Variants in SPATA31E1 observed in about 807,000 individuals in gnomAD.
SPATA31E1 encodes the protein spermatogenesis-associated protein 31E1.
Under a neutral mutation model 12.9 loss-of-function variants are expected in SPATA31E1, and 7 were observed. That is an observed-to-expected ratio of 0.54 (90% CI 0.31 to 1.02). SPATA31E1 has a LOEUF of 1.02. Ranked by LOEUF, SPATA31E1 falls within the 50% of genes least tolerant of loss-of-function variation. The probability of loss-of-function intolerance (pLI) is 0.05; values close to 1 mark genes in which losing one functional copy is unlikely to be tolerated. For synonymous variants in SPATA31E1, 771 were observed against 719.0 expected, an observed-to-expected ratio of 1.07 and a Z score of -1.16; for missense variants, 1,961 against 1,799.8, an observed-to-expected ratio of 1.09 and a Z score of -1.62.
At chr9:87,883,750 C>T (rs939591236) in intron 1 of SPATA31E1, among the ~76,000 whole-genome samples, 6 of 152,320 alleles carry the variant, frequency 3.9e-5, no homozygotes, top group Admixed American at 3.3e-4. Flanking sequence ...GTTCCTTGAG[C>T]GGAGGAGCAG....
chr9:87,883,122 G>A lies in SPATA31E1; in HGVS notation c.231G>A (p.Val77=), dbSNP rs965047878. ...TCCTCACCAGTGTGTGTGGCCTAGT[G>A]CTCCTCTTCCTATTGCTCCTCTACG... ...DFILTSVCGL[V]LLFLLLLYVH... The change falls in exon 1 of 4, where the codon GTG becomes GTA. Residue 77 remains valine (V), a synonymous_variant. Transcript: ENST00000325643. 3 of 1,602,996 alleles carry A rather than the reference G, an allele frequency of 1.9e-6. No homozygotes were observed. Among genetic ancestry groups the A allele is most frequent in the Admixed American group, 1.7e-5 (1 of 58,778 alleles).
Position 87,888,291 on chromosome 9 carries a change from T to C in SPATA31E1, c.3804T>C (p.Ser1268=), listed in dbSNP as rs1224516071. The C allele has an allele frequency of 1.2e-6, 2 of 1,613,996 alleles. No homozygotes were observed. Among genetic ancestry groups the C allele is most frequent in the Admixed American group, 3.3e-5 (2 of 60,022 alleles). Residue 1268 remains serine, a synonymous_variant, in exon 4 of 4, where the codon AGT becomes AGC. Transcript: ENST00000325643. The part of the protein sequence containing the change: ...PPESHFQRKI[S]HHPQGLHPRK... ...AAAGCCACTTCCAGAGAAAGATCAGTCACCATCCACAGGGTCTACACCCCA... is the reference window on the plus strand; with the variant it reads ...AAAGCCACTTCCAGAGAAAGATCAGCCACCATCCACAGGGTCTACACCCCA...
chr9:87,884,417 G>C (rs1828225183), intron 2 of SPATA31E1, among the ~76,000 whole-genome samples, 174 bp from the exon 3 acceptor site: 1 of 152,242 alleles, frequency 6.6e-6, no homozygotes. Context: ...AAATGACAAA[G>C]TGCTGCACAG....
At position 87,888,056 on chromosome 9, in the gene SPATA31E1, C is replaced by A; in HGVS notation, c.3569C>A (p.Ala1190Asp). Residue 1190 changes from alanine (A) to aspartate (D), a missense_variant, in exon 4 of 4, where the codon GCC (alanine) becomes GAC (aspartate). By Grantham distance (126) the Ala-to-Asp change is moderately radical. Transcript: ENST00000325643. ...GAGCCTGGGAGCCCAAAAGCAAAGGCCCCACAGAAGAGTCAGAAGACGCTG... is the reference window on the plus strand; with the variant it reads ...GAGCCTGGGAGCCCAAAAGCAAAGGACCCACAGAAGAGTCAGAAGACGCTG... ...QQEPGSPKAK[A>D]PQKSQKTLGC... is the part of the protein sequence containing the mutation. 1 of 1,606,530 alleles carries A rather than the reference C, an allele frequency of 6.2e-7. No individual in the cohort carries two copies. The highest frequency in any genetic ancestry group is 8.5e-7 in the Non-Finnish European group (1 of 1,176,604).
At position 87,888,254 on chromosome 9, in the gene SPATA31E1, A is replaced by G. The variant is rs1338378178; in HGVS notation, c.3767A>G (p.Gln1256Arg). Residue 1256 changes from glutamine (Q) to arginine (R), a missense_variant, in exon 4 of 4, where the codon CAG becomes CGG. Transcript: ENST00000325643. ...KYNQLQLEKG[Q>R]TPPESHFQRK... ...AACCAGCTTCAGCTGGAGAAGGGAC[A>G]GACACCACCAGAAAGCCACTTCCAG... 1 of 1,614,150 alleles carries G rather than the reference A, an allele frequency of 6.2e-7. No homozygotes were observed. The highest frequency in any genetic ancestry group is 8.5e-7 in the Non-Finnish European group (1 of 1,180,032).
Position 87,887,689 on chromosome 9 carries a change from G to C in SPATA31E1, c.3202G>C (p.Gly1068Arg), listed in dbSNP as rs759936645. 1.9e-6 allele frequency: 3 copies of C among 1,614,140 alleles called. No homozygotes were observed. Among genetic ancestry groups the C allele is most frequent in the Non-Finnish European group, 2.5e-6 (3 of 1,180,000 alleles). ...GSVQEDLRST[G>R]ALGTTGNPSA... ...TGTTCAGGAGGATCTGAGGAGCACA[G>C]GGGCTCTGGGGACCACTGGTAACCC... The change falls in exon 4 of 4, where the codon GGG (glycine) becomes CGG (arginine). Residue 1068 changes from glycine (G) to arginine (R), a missense_variant. Physicochemically the swap from Gly to Arg is moderately radical, Grantham distance 125 (BLOSUM62 -2). Coordinates refer to ENST00000325643, the MANE Select transcript of SPATA31E1 (RefSeq NM_178828.5).
At chr9:87,884,692 C>T (rs769511302) in intron 3 of SPATA31E1, 41 bp downstream of exon 3, 5 of 1,611,660 alleles carry the variant, frequency 3.1e-6, no homozygotes, top group Non-Finnish European at 4.2e-6. Flanking sequence ...TCCTTCCTAC[C>T]AGGGCCTCTG....
chr9:87,884,980 G>C lies in SPATA31E1; in HGVS notation c.493G>C (p.Val165Leu). ...LPLGGDPLGD[V>L]CKPVPAKAHQ... ...CTTAGGTGGAGACCCCCTGGGGGACGTGTGTAAACCAGTGCCTGCTAAGGC... is the reference window on the plus strand; with the variant it reads ...CTTAGGTGGAGACCCCCTGGGGGACCTGTGTAAACCAGTGCCTGCTAAGGC... Residue 165 changes from valine to leucine, a missense_variant, in exon 4 of 4, where the codon GTG (valine) becomes CTG (leucine). Val to Leu is a conservative substitution (Grantham distance 32, BLOSUM62 1). Coordinates refer to ENST00000325643, the MANE Select transcript of SPATA31E1 (RefSeq NM_178828.5). 6.2e-7 allele frequency: 1 copy of C among 1,614,094 alleles called. No individual in the cohort carries two copies. The highest frequency in any genetic ancestry group is 8.5e-7 in the Non-Finnish European group (1 of 1,179,992).
Position 87,885,307 on chromosome 9 carries a change from C to A in SPATA31E1, c.820C>A (p.Pro274Thr). The A allele has an allele frequency of 6.2e-7, 1 of 1,614,026 alleles. No homozygotes were observed. ...AGLQCGSTTC[P>T]VPQSSPLHNQ... ...ACTTCAGTGTGGCTCCACAACATGCCCCGTCCCCCAGAGCTCCCCTCTACA... is the reference window on the plus strand; with the variant it reads ...ACTTCAGTGTGGCTCCACAACATGCACCGTCCCCCAGAGCTCCCCTCTACA... The change falls in exon 4 of 4, where the codon CCC becomes ACC. Residue 274 changes from proline (P) to threonine (T), a missense_variant. Transcript: ENST00000325643.
Position 87,887,144 on chromosome 9 carries a change from A to C in SPATA31E1, c.2657A>C (p.Glu886Ala). The stretch of plus-strand genomic sequence containing the variant: ...TGGGCCTCCTGGGTATCTCGGGTTG[A>C]ATCTGTACCCAAGGTTCCCATTTTC... ...TPWASWVSRV[E>A]SVPKVPIFLG... Residue 886 changes from glutamate to alanine, a missense_variant, in exon 4 of 4, where the codon GAA becomes GCA. Physicochemically the swap from Glu to Ala is moderately radical, Grantham distance 107. Coordinates refer to ENST00000325643, the MANE Select transcript of SPATA31E1 (RefSeq NM_178828.5). 2 of 1,614,002 alleles carry C rather than the reference A, an allele frequency of 1.2e-6. No individual in the cohort carries two copies. The highest frequency in any genetic ancestry group is 1.7e-6 in the Non-Finnish European group (2 of 1,179,998).
In SPATA31E1 at chr9:87,887,697, G is replaced by A; in HGVS notation, c.3210G>A (p.Leu1070=). Residue 1070 remains leucine, a synonymous_variant, in exon 4 of 4, where the codon CTG becomes CTA. Coordinates refer to ENST00000325643, the MANE Select transcript of SPATA31E1 (RefSeq NM_178828.5). ...VQEDLRSTGA[L]GTTGNPSASS... is the part of the protein sequence containing the mutation. Reference sequence around the variant, plus strand: ...AGGATCTGAGGAGCACAGGGGCTCTGGGGACCACTGGTAACCCCTCAGCGT... The same window carrying A: ...AGGATCTGAGGAGCACAGGGGCTCTAGGGACCACTGGTAACCCCTCAGCGT... 1.2e-6 allele frequency: 2 copies of A among 1,614,152 alleles called. No homozygotes were observed. The highest frequency in any genetic ancestry group is 1.3e-5 in the African/African-American group (1 of 75,058).
chr9:87,884,531 G>A, intron 2 of SPATA31E1, 60 bp from the exon 3 acceptor site: 1 of 1,581,226 alleles, frequency 6.3e-7, no homozygotes, highest in Non-Finnish European at 8.7e-7. Flanking sequence ...CATCCACTCA[G>A]CCTCCATGAG....
rs140485781 is a variant in SPATA31E1, at chr9:87,886,570, G to A, written c.2083G>A (p.Gly695Arg). ...GGGCAGGAAGGATGTGCAGAAGACC[G>A]GGTTCAGGAGCTCCGGAAGGTTCTC... ...GKGRKDVQKTGFRSSGRFSDK... is the reference protein window; with the variant it reads ...GKGRKDVQKTRFRSSGRFSDK... Residue 695 changes from glycine to arginine, a missense_variant, in exon 4 of 4, where the codon GGG (glycine) becomes AGG (arginine). By Grantham distance (125) the Gly-to-Arg change is moderately radical. Transcript: ENST00000325643. 2.4e-5 allele frequency: 38 copies of A among 1,613,954 alleles called. No homozygotes were observed. In the East Asian group the frequency reaches 3.1e-4, roughly 13 times the overall value.
Position 87,888,415 on chromosome 9 carries a change from G to A in SPATA31E1, c.3928G>A (p.Asp1310Asn), listed in dbSNP as rs773616022. Residue 1310 changes from aspartate to asparagine, a missense_variant, in exon 4 of 4, where the codon GAC (aspartate) becomes AAC (asparagine). Asp to Asn is a conservative substitution (Grantham distance 23). Transcript: ENST00000325643. ...GTCTGGCCCACCAAGGCAGTTTATG[G>A]ACTGCATGGCTGACAAAGCCTGGAC... ...WGSGPPRQFM[D>N]CMADKAWTIS... The A allele has an allele frequency of 6.2e-7, 1 of 1,614,168 alleles. No individual in the cohort carries two copies. Among genetic ancestry groups the A allele is most frequent in the East Asian group, 2.2e-5 (1 of 44,874 alleles).
At position 87,887,940 on chromosome 9, in the gene SPATA31E1, C is replaced by T. The variant is rs1204371371; in HGVS notation, c.3453C>T (p.Ser1151=). ...ADRLPTQAPL[S]TSQSVSGKNM... ...GGCTGCCCACTCAAGCCCCTCTGTC[C>T]ACCTCCCAGAGTGTGTCTGGTAAGA... The change falls in exon 4 of 4, where the codon TCC becomes TCT. Residue 1151 remains serine, a synonymous_variant. Coordinates refer to ENST00000325643, the MANE Select transcript of SPATA31E1 (RefSeq NM_178828.5). 6.2e-7 allele frequency: 1 copy of T among 1,613,954 alleles called. No individual in the cohort carries two copies.
chr9:87,885,374 TG>T lies in SPATA31E1; in HGVS notation c.891del (p.Cys298AlafsTer54). The T allele has an allele frequency of 6.2e-7, 1 of 1,613,132 alleles. No individual in the cohort carries two copies. Among genetic ancestry groups the T allele is most frequent in the Non-Finnish European group, 8.5e-7 (1 of 1,179,152 alleles). On this transcript the variant is annotated frameshift_variant, in exon 4 of 4. Coordinates refer to ENST00000325643, the MANE Select transcript of SPATA31E1 (RefSeq NM_178828.5). LOFTEE classifies it low-confidence loss of function (END_TRUNC). ...CCTCCAACCAGGGTGATCTCTGGCC[TG>T]GGGTGCTCCAGCGATCCCATCTGGG... ...LPPPTRVISG[L>X]GCSSDPIWDL...
rs1828272019 is a variant in SPATA31E1, at chr9:87,886,271, C to G, written c.1784C>G (p.Pro595Arg). Residue 595 changes from proline (P) to arginine (R), a missense_variant, in exon 4 of 4, where the codon CCC becomes CGC. Transcript: ENST00000325643. Reference protein sequence around the residue: ...LKKSQAVLSQPTAHLPQERPA... With the variant: ...LKKSQAVLSQRTAHLPQERPA... Reference sequence around the variant, plus strand: ...AAGTCTCAGGCTGTTCTGAGCCAGCCCACTGCCCACCTTCCCCAAGAGAGG... The same window carrying G: ...AAGTCTCAGGCTGTTCTGAGCCAGCGCACTGCCCACCTTCCCCAAGAGAGG... The G allele has an allele frequency of 5.0e-6, 8 of 1,613,850 alleles. No individual in the cohort carries two copies. Among genetic ancestry groups the G allele is most frequent in the African/African-American group, 1.3e-5 (1 of 75,044 alleles).
Position 87,885,563 on chromosome 9 carries a change from C to G in SPATA31E1, c.1076C>G (p.Pro359Arg). The G allele has an allele frequency of 6.2e-7, 1 of 1,614,192 alleles. No individual in the cohort carries two copies. The highest frequency in any genetic ancestry group is 8.5e-7 in the Non-Finnish European group (1 of 1,180,044). Residue 359 changes from proline to arginine, a missense_variant, in exon 4 of 4, where the codon CCT (proline) becomes CGT (arginine). Transcript: ENST00000325643. ...GTAGGTGGCTGCACATTCATCCACC[C>G]TGACGTGCAGAAGCTGCTGGAGACC... ...MEVGGCTFIH[P>R]DVQKLLETLI...
Position 87,887,823 on chromosome 9 carries a change from G to A in SPATA31E1, c.3336G>A (p.Leu1112=). Residue 1112 remains leucine (L), a synonymous_variant, in exon 4 of 4, where the codon CTG becomes CTA. Transcript: ENST00000325643. ...LIVQVDSEEQ[L]PGRAPGILLQ... ...TGCAGGTGGACTCAGAGGAGCAGCT[G>A]CCAGGCCGTGCCCCGGGCATCCTCC... is the stretch of plus-strand genomic sequence containing the variant. The A allele has an allele frequency of 5.0e-6, 8 of 1,613,876 alleles. No homozygotes were observed. The highest frequency in any genetic ancestry group is 6.8e-6 in the Non-Finnish European group (8 of 1,180,008).
Sources: gnomAD v4.1 joint callset for allele counts (sites outside exome capture counted in the v4.1 genomes callset) on GRCh38, gnomAD v4.1.1 for gene constraint, MANE v1.5 for transcripts, NCBI Gene and HGNC (gene_info 2026-07-23, HGNC 2026-07-21) for gene names.